The following IGF1 variants were observed in gnomAD, a reference collection of about 807,000 sequenced individuals.
IGF1 encodes insulin like growth factor 1.
A neutral mutation model predicts 13.8 loss-of-function variants in IGF1; 4 were observed. The ratio of observed to expected loss-of-function variants is 0.29; its 90% CI spans 0.14 to 0.66. The LOEUF is 0.66. IGF1 is among the 30% of genes least tolerant of loss of function. IGF1 has a pLI of 0.78. For missense variants in IGF1, 124 were observed against 188.5 expected, an observed-to-expected ratio of 0.66 and a Z score of 2.00; for synonymous variants, 76 against 72.6, an observed-to-expected ratio of 1.05 and a Z score of -0.23.
chr12:102,481,523 C>A (rs949819195), upstream of IGF1, among the ~76,000 whole-genome samples: 1 of 152,182 alleles, frequency 6.6e-6, no homozygotes, highest in East Asian at 1.9e-4. Context: ...GGTGACTGGC[C>A]GGCAACATGG....
intron 2 of IGF1, among the ~76,000 whole-genome samples, chr12:102,448,435 A>G (rs1228016760): frequency 2.0e-5 from 3 of 147,506 alleles, no homozygotes; most frequent in African/African-American, 7.5e-5. Context: ...AAACTATCGC[A>G]AGAACAAAAA....
intron 2 of IGF1, among the ~76,000 whole-genome samples, chr12:102,431,247 G>A (rs1052824364): frequency 2.6e-5 from 4 of 152,218 alleles, no homozygotes; most frequent in East Asian, 3.8e-4. Context: ...CCATGGAAGC[G>A]TGAACGCTTG....
chr12:102,480,175 G>A, intron 1 of IGF1, 144 bp downstream of exon 1: 1 of 773,542 alleles, frequency 1.3e-6, no homozygotes, highest in Non-Finnish European at 2.2e-6. Context: ...AGATTCCACA[G>A]AATTGCATAT....
rs1019067133 is a variant in IGF1 at position 102,466,720 on chromosome 12, G to T, written c.220+8923C>A. Among the ~76,000 whole-genome samples the T allele has an allele frequency of 3.3e-5, 5 of 152,054 alleles. No homozygotes were observed. The East Asian group carries it at 9.7e-4, about 29-fold the overall frequency. ...AATTTGAGACCAGCATGGGCAACAT[G>T]GTAAAACCCCATCTCTACAAAAAAA... On this transcript the variant is annotated intron_variant, in intron 2 of 3. Transcript: ENST00000337514.
chr12:102,443,325 A>G (rs1469495432), intron 2 of IGF1, among the ~76,000 whole-genome samples: 1 of 152,106 alleles, frequency 6.6e-6, no homozygotes, highest in African/African-American at 2.4e-5. Context: ...ACCAAAATGC[A>G]TCCTTTGCTT....
chr12:102,420,908 C>T (rs373218341), intron 2 of IGF1, among the ~76,000 whole-genome samples: 65 of 152,286 alleles, frequency 4.3e-4, no homozygotes, highest in African/African-American at 1.4e-3. Context: ...GAAAACATTA[C>T]GTTTTAAATC....
intron 3 of IGF1, among the ~76,000 whole-genome samples, chr12:102,418,926 T>C (rs190762188): frequency 6.6e-6 from 1 of 152,384 alleles, no homozygotes; most frequent in Admixed American, 6.5e-5. Context: ...TTAATTATGC[T>C]TGCTACTGAA....
chr12:102,416,709 G>T (rs984807133), intron 3 of IGF1, among the ~76,000 whole-genome samples: 1 of 152,170 alleles, frequency 6.6e-6, no homozygotes, highest in African/African-American at 2.4e-5. Flanking sequence ...GTGGTGGGGT[G>T]GTGGAGGGGA....
intron 2 of IGF1, among the ~76,000 whole-genome samples, chr12:102,454,061 C>G (rs1159430022): frequency 6.6e-6 from 1 of 152,144 alleles, no homozygotes; most frequent in African/African-American, 2.4e-5. Flanking sequence ...TTGCACTGCT[C>G]TGCACTAGCC....
In IGF1 at chr12:102,400,472, A is replaced by C. The variant is rs1159098682; in HGVS notation, c.*2035T>G. 1 of 152,170 alleles carries C rather than the reference A, an allele frequency of 6.6e-6. No individual in the cohort carries two copies. Among genetic ancestry groups the C allele is most frequent in the Non-Finnish European group, 1.5e-5 (1 of 68,020 alleles). 9.4% of individuals were successfully genotyped at this position (152,170 alleles called of 1,614,324 possible). A position where few individuals can be genotyped will look rare whatever the true frequency, so the allele number is the denominator to read the frequency against. On this transcript the variant is annotated 3_prime_UTR_variant, in exon 4 of 4. Coordinates refer to ENST00000337514, the MANE Select transcript of IGF1 (RefSeq NM_000618.5). ...CAGAGAGCTAGGGGCTACCCTTCTG[A>C]GCAGGCATGGGAAATTTCTTGTTGT...
intron 3 of IGF1, chr12:102,417,499 T>G: frequency 1.0e-6 from 1 of 969,850 alleles, no homozygotes; most frequent in Non-Finnish European, 1.3e-6. Flanking sequence ...AATTTTTATT[T>G]AAATTCTTTT....
intron 2 of IGF1, among the ~76,000 whole-genome samples, chr12:102,474,444 A>G (rs1465087235): frequency 6.6e-6 from 1 of 152,232 alleles, no homozygotes; most frequent in African/African-American, 2.4e-5. Context: ...CTGATCGCCA[A>G]TACCCTCACA....
chr12:102,454,386 A>G (rs780742124), intron 2 of IGF1, among the ~76,000 whole-genome samples: 1 of 151,684 alleles, frequency 6.6e-6, no homozygotes, highest in Non-Finnish European at 1.5e-5. Flanking sequence ...TTCTCTTCCT[A>G]CTCCCTAGAA....
chr12:102,430,448 C>A (rs903872769), intron 2 of IGF1, among the ~76,000 whole-genome samples: 1 of 152,100 alleles, frequency 6.6e-6, no homozygotes, highest in African/African-American at 2.4e-5. Flanking sequence ...AATGAAATGA[C>A]CCTCAAGGTA....
At chr12:102,439,908 C>A (rs1877564543) in intron 2 of IGF1, among the ~76,000 whole-genome samples, 1 of 152,128 alleles carries the variant, frequency 6.6e-6, no homozygotes, top group Non-Finnish European at 1.5e-5. Flanking sequence ...GGAAGCATTT[C>A]CACTTAAACA....
At chr12:102,461,857 C>T (rs2137202943) in intron 2 of IGF1, among the ~76,000 whole-genome samples, 2 of 152,278 alleles carry the variant, frequency 1.3e-5, no homozygotes, top group South Asian at 4.1e-4. Context: ...CAGGTTTGAC[C>T]TTAACATCAT....
At chr12:102,415,543 T>TTTCGTTCCTTCCTTCC (rs1875018421) in intron 3 of IGF1, among the ~76,000 whole-genome samples, 1 of 81,722 alleles carries the variant, frequency 1.2e-5, no homozygotes, top group Admixed American at 1.4e-4. Context: ...CTTCCTTCCC[T>TTTCGTTCCTTCCTTCC]TTCCTTCCTT....
intron 2 of IGF1, among the ~76,000 whole-genome samples, chr12:102,464,645 T>C (rs969652300): frequency 6.6e-6 from 1 of 151,818 alleles, no homozygotes; most frequent in Non-Finnish European, 1.5e-5. Flanking sequence ...CTGGGAGCCA[T>C]GGGATGTGAG....
At chr12:102,468,973 C>T (rs960533320) in intron 2 of IGF1, among the ~76,000 whole-genome samples, 3 of 152,270 alleles carry the variant, frequency 2.0e-5, no homozygotes, top group African/African-American at 2.4e-5. Flanking sequence ...AATGATGGCA[C>T]GACACAAGAT....
Sources: gnomAD v4.1 joint callset for allele counts (sites outside exome capture counted in the v4.1 genomes callset) on GRCh38, gnomAD v4.1.1 for gene constraint, MANE v1.5 for transcripts, NCBI Gene and HGNC (gene_info 2026-07-23, HGNC 2026-07-21) for gene names.